The following RASGRF2 variants were observed in gnomAD, a reference collection of about 807,000 sequenced individuals.
RASGRF2 encodes the protein Ras protein specific guanine nucleotide releasing factor 2.
In RASGRF2, 76 loss-of-function variants were observed where a neutral mutation model predicts 151.0. That is an observed-to-expected ratio of 0.50 (90% CI 0.42 to 0.61). The LOEUF (loss-of-function observed/expected upper bound fraction) is 0.61, where lower values mean the gene tolerates loss of function less well. Ranked by LOEUF, RASGRF2 falls within the 20% of genes least tolerant of loss-of-function variation. The pLI is 0.00. For synonymous variants in RASGRF2, 504 were observed against 566.5 expected (o/e 0.89, Z 1.57); for missense variants, 1,148 against 1,564.6 (o/e 0.73, Z 4.49).
chr5:81,112,179 G>A (rs1753014005), intron 13 of RASGRF2, among the ~76,000 whole-genome samples: 1 of 151,830 alleles, frequency 6.6e-6, no homozygotes, highest in Admixed American at 6.6e-5. Context: ...TACACAATCA[G>A]CCCTCTACCT....
intron 2 of RASGRF2, among the ~76,000 whole-genome samples, chr5:81,049,206 G>A (rs436134): frequency 0.83 from 122,897 of 148,248 alleles, 51,761 homozygotes; most frequent in Non-Finnish European, 0.92. Context: ...CAAAAGTAAA[G>A]AGTTATAGTT....
chr5:80,973,685 G>T (rs1181283276), intron 1 of RASGRF2, among the ~76,000 whole-genome samples: 2 of 152,160 alleles, frequency 1.3e-5, no homozygotes, highest in Non-Finnish European at 2.9e-5. Flanking sequence ...AGGTCTCTAT[G>T]ATACTCCATA....
At chr5:81,023,200 A>G (rs550026504) in intron 1 of RASGRF2, among the ~76,000 whole-genome samples, 1 of 152,224 alleles carries the variant, frequency 6.6e-6, no homozygotes, top group South Asian at 2.1e-4. Context: ...TGCCTGGAGA[A>G]ATAGATTTGG....
At chr5:81,141,891 T>C (rs567329023) in intron 17 of RASGRF2, among the ~76,000 whole-genome samples, 4 of 152,196 alleles carry the variant, frequency 2.6e-5, no homozygotes, top group Non-Finnish European at 5.9e-5. Context: ...GAAGCATGTA[T>C]TTCTGTATTG....
In RASGRF2 at chr5:80,994,929, C is replaced by T. The variant is rs188107880; in HGVS notation, c.288+33903C>T. Among the ~76,000 whole-genome samples, 4 of 152,254 alleles carry T rather than the reference C, an allele frequency of 2.6e-5. No homozygotes were observed. The East Asian group carries it at 7.7e-4, about 29-fold the overall frequency. ...ATATACAGTTGTGTAATTACCACCACGATTAACATATGGAATATTTTTTTC... is the reference window on the plus strand; with the variant it reads ...ATATACAGTTGTGTAATTACCACCATGATTAACATATGGAATATTTTTTTC... On this transcript the variant is annotated intron_variant, in intron 1 of 26. Transcript: ENST00000265080.
At chr5:81,208,107 T>C (rs375063383) in intron 21 of RASGRF2, among the ~76,000 whole-genome samples, 7 of 152,304 alleles carry the variant, frequency 4.6e-5, no homozygotes, top group African/African-American at 1.4e-4. Context: ...AGGATCCTAA[T>C]AGGGACACAG....
In RASGRF2 at chr5:81,109,035, G is replaced by GT; in HGVS notation, c.1796dup (p.Phe600ValfsTer2). 1 of 1,611,640 alleles carries GT rather than the reference G, an allele frequency of 6.2e-7. No homozygotes were observed. Among genetic ancestry groups the GT allele is most frequent in the Non-Finnish European group, 8.5e-7 (1 of 1,177,998 alleles). On this transcript the variant is annotated frameshift_variant, in exon 13 of 27. Coordinates refer to ENST00000265080, the MANE Select transcript of RASGRF2 (RefSeq NM_006909.3). LOFTEE classifies it high-confidence loss of function. The stretch of plus-strand genomic sequence containing the variant: ...ACGATGTAATGGTTTAATGACTATA[G>GT]TGTTTGAAGAGAATTCCAAAGTCAC...
intron 1 of RASGRF2, among the ~76,000 whole-genome samples, chr5:81,023,312 A>T (rs1443508947): frequency 6.6e-6 from 1 of 152,162 alleles, no homozygotes; most frequent in Non-Finnish European, 1.5e-5. Flanking sequence ...TGTTTTAATT[A>T]TTTCTTTCAC....
chr5:81,097,006 G>C (rs890675795), intron 12 of RASGRF2, among the ~76,000 whole-genome samples: 1 of 151,876 alleles, frequency 6.6e-6, no homozygotes, highest in African/African-American at 2.4e-5. Context: ...CTGTCGCCCA[G>C]GCTGGAGTGC....
intron 6 of RASGRF2, 111 bp downstream of exon 6, chr5:81,080,311 T>G (rs1054283891): frequency 1.2e-5 from 18 of 1,511,232 alleles, no homozygotes; most frequent in Middle Eastern, 3.6e-4. Flanking sequence ...TGTTGACCTG[T>G]GAGCTTCTGT....
chr5:81,195,117 A>ATGAGGCTTCG (rs1403723276), intron 18 of RASGRF2, among the ~76,000 whole-genome samples: 1 of 152,218 alleles, frequency 6.6e-6, no homozygotes, highest in African/African-American at 2.4e-5. Context: ...CTCCTGGCGC[A>ATGAGGCTTCG]TGAGGCTTCG....
intron 2 of RASGRF2, among the ~76,000 whole-genome samples, chr5:81,046,138 T>C (rs1393746307): frequency 6.6e-6 from 1 of 152,192 alleles, no homozygotes; most frequent in Non-Finnish European, 1.5e-5. Context: ...GAGCTACAAA[T>C]CCTCCTGTAG....
chr5:81,029,423 T>C (rs149743092), intron 1 of RASGRF2, among the ~76,000 whole-genome samples: 17,444 of 152,222 alleles, frequency 0.11, 1,256 homozygotes, highest in Non-Finnish European at 0.16. Context: ...ACACCTCATA[T>C]GGCCGGGTGC....
chr5:80,989,143 A>G (rs1212083747), intron 1 of RASGRF2, among the ~76,000 whole-genome samples: 1 of 151,904 alleles, frequency 6.6e-6, no homozygotes, highest in Non-Finnish European at 1.5e-5. Flanking sequence ...GCTAATTTTT[A>G]TATTTTTAGT....
At chr5:81,030,351 G>C (rs1181220693) in intron 1 of RASGRF2, among the ~76,000 whole-genome samples, 1 of 152,146 alleles carries the variant, frequency 6.6e-6, no homozygotes, top group Non-Finnish European at 1.5e-5. Context: ...ATAATTACCA[G>C]ATGCACCAAA....
chr5:81,064,426 C>T (rs1418285764), intron 2 of RASGRF2, among the ~76,000 whole-genome samples: 1 of 152,148 alleles, frequency 6.6e-6, no homozygotes, highest in Admixed American at 6.5e-5. Context: ...ATGTTGTATT[C>T]TTTATAAGTG....
intron 1 of RASGRF2, among the ~76,000 whole-genome samples, chr5:80,979,236 T>C (rs1430378936): frequency 1.3e-5 from 2 of 152,176 alleles, no homozygotes; most frequent in East Asian, 1.9e-4. Flanking sequence ...TTGTAACTAA[T>C]TGAAAAAATT....
chr5:81,007,432 C>A (rs992734509), intron 1 of RASGRF2, among the ~76,000 whole-genome samples: 2 of 152,136 alleles, frequency 1.3e-5, no homozygotes, highest in African/African-American at 2.4e-5. Flanking sequence ...GGGGTTCATT[C>A]TTTCCCAGGG....
chr5:81,087,755 T>G, intron 9 of RASGRF2: 1 of 200,534 alleles, frequency 5.0e-6, no homozygotes, highest in Non-Finnish European at 1.0e-5. Context: ...CATTTATAAT[T>G]TTGAATTTGG....
Sources: gnomAD v4.1 joint callset for allele counts (sites outside exome capture counted in the v4.1 genomes callset) on GRCh38, gnomAD v4.1.1 for gene constraint, MANE v1.5 for transcripts, NCBI Gene and HGNC (gene_info 2026-07-23, HGNC 2026-07-21) for gene names.